Variants in TIPIN observed in about 807,000 individuals in gnomAD.
TIPIN encodes the protein TIMELESS interacting protein.
In TIPIN, 29 loss-of-function variants were observed where a neutral mutation model predicts 35.6. That is an observed-to-expected ratio of 0.82 (90% CI 0.61 to 1.11). The LOEUF is 1.11. Ranked by LOEUF, TIPIN falls within the 50% of genes most tolerant of loss-of-function variation. The pLI, the probability that TIPIN is intolerant of heterozygous loss-of-function variation, is 0.00. For missense variants in TIPIN, 296 were observed against 345.4 expected (o/e 0.86, Z 1.13); for synonymous variants, 102 against 121.5 (o/e 0.84, Z 1.06).
At chr15:66,384,053 G>A (rs2093327726) in intron 1 of TIPIN, among the ~76,000 whole-genome samples, 1 of 152,038 alleles carries the variant, frequency 6.6e-6, no homozygotes, top group Non-Finnish European at 1.5e-5. Flanking sequence ...CTGGAGTGCA[G>A]TGGCGCGATC....
intron 3 of TIPIN, 90 bp downstream of exon 3, chr15:66,352,039 T>A: frequency 8.9e-7 from 1 of 1,120,408 alleles, no homozygotes; most frequent in Non-Finnish European, 1.3e-6. Context: ...GAGCTCCACA[T>A]CATACCAACC....
chr15:66,373,678 CT>C (rs1266298581), intron 1 of TIPIN, among the ~76,000 whole-genome samples: 1 of 151,874 alleles, frequency 6.6e-6, no homozygotes, highest in Non-Finnish European at 1.5e-5. Context: ...TTGATATTGT[CT>C]TTTTCTTTTT....
intron 1 of TIPIN, among the ~76,000 whole-genome samples, chr15:66,355,281 C>T (rs1030241082): frequency 6.6e-6 from 1 of 151,196 alleles, no homozygotes; most frequent in Admixed American, 6.6e-5. Flanking sequence ...GATCCGCCCG[C>T]CTCGGCCTCC....
intron 1 of TIPIN, among the ~76,000 whole-genome samples, chr15:66,355,915 G>T (rs1202404481): frequency 1.3e-5 from 2 of 152,058 alleles, no homozygotes; most frequent in African/African-American, 4.8e-5. Flanking sequence ...CCAAGCATGG[G>T]GTGGGGCTTG....
intron 4 of TIPIN, 143 bp from the exon 5 acceptor site, chr15:66,349,580 T>C (rs1388610872): frequency 8.1e-6 from 9 of 1,113,662 alleles, no homozygotes; most frequent in African/African-American, 6.4e-5. Flanking sequence ...AAAAGGAACT[T>C]TAATAAGAAA....
chr15:66,337,032 G>C lies in TIPIN; in HGVS notation c.832C>G (p.Leu278Val). The C allele has an allele frequency of 6.2e-7, 1 of 1,614,092 alleles. No homozygotes were observed. Residue 278 changes from leucine to valine, a missense_variant, in exon 8 of 8, where the codon CTG becomes GTG. Leu to Val is a conservative substitution (Grantham distance 32). Coordinates refer to ENST00000261881, the MANE Select transcript of TIPIN (RefSeq NM_017858.3). ...IANTLNEEET[L>V]LDQSFKNVQQ... ...ACATTTTTAAAAGACTGGTCCAGCAGTGTTTCCTCTTCATTTAAAGTATTG... is the reference window on the plus strand; with the variant it reads ...ACATTTTTAAAAGACTGGTCCAGCACTGTTTCCTCTTCATTTAAAGTATTG...
chr15:66,342,975 T>C (rs1048434685), intron 6 of TIPIN, among the ~76,000 whole-genome samples: 3 of 152,214 alleles, frequency 2.0e-5, no homozygotes, highest in African/African-American at 7.2e-5. Context: ...TGGTTAACTG[T>C]CCCTTGTCCT....
intron 1 of TIPIN, chr15:66,379,791 T>C (rs1296326732): frequency 2.4e-5 from 39 of 1,601,368 alleles, no homozygotes; most frequent in South Asian, 2.3e-4. Flanking sequence ...GAGTTCTACA[T>C]TGATGTGATT....
chr15:66,352,727 C>A, intron 2 of TIPIN, 88 bp downstream of exon 2: 2 of 1,388,468 alleles, frequency 1.4e-6, no homozygotes, highest in Non-Finnish European at 9.5e-7. Flanking sequence ...GTGATCCGCC[C>A]GCCTCAGCAT....
intron 6 of TIPIN, 61 bp from the exon 7 acceptor site, chr15:66,341,417 T>C (rs1334325320): frequency 6.0e-5 from 88 of 1,461,860 alleles, no homozygotes; most frequent in Non-Finnish European, 8.1e-5. Flanking sequence ...GGGCTTCTCA[T>C]TGAAAAAGAA....
chr15:66,351,616 T>G lies in TIPIN; in HGVS notation c.213-16A>C. The G allele has an allele frequency of 6.4e-7, 1 of 1,573,690 alleles. No homozygotes were observed. The highest frequency in any genetic ancestry group is 1.2e-5 in the South Asian group (1 of 85,622). ...TGAAATTAATCTGTGAATAAAAGTA[T>G]GTTTTTAATTTCAAGTTTTATTTTC... On this transcript the variant is annotated splice_polypyrimidine_tract_variant and intron_variant, in intron 3 of 7. Coordinates refer to ENST00000261881, the MANE Select transcript of TIPIN (RefSeq NM_017858.3).
intron 1 of TIPIN, among the ~76,000 whole-genome samples, chr15:66,376,609 T>C (rs531819531): frequency 4.6e-5 from 7 of 151,660 alleles, no homozygotes; most frequent in African/African-American, 1.7e-4. Flanking sequence ...TTTGTATTTT[T>C]AGTAGAGATG....
intron 7 of TIPIN, among the ~76,000 whole-genome samples, chr15:66,340,638 C>A (rs2093080020): frequency 6.6e-6 from 1 of 151,944 alleles, no homozygotes; most frequent in African/African-American, 2.4e-5. Flanking sequence ...CTCAAGTCAC[C>A]CAGGCTGGAG....
intron 7 of TIPIN, 79 bp from the exon 8 acceptor site, chr15:66,337,260 G>T: frequency 9.2e-7 from 1 of 1,086,018 alleles, no homozygotes; most frequent in Non-Finnish European, 1.3e-6. Context: ...CTCTTCAAAA[G>T]CTCAGTTTAG....
chr15:66,351,481 G>T, intron 4 of TIPIN, 44 bp downstream of exon 4: 1 of 1,412,672 alleles, frequency 7.1e-7, no homozygotes, highest in Non-Finnish European at 1.0e-6. Flanking sequence ...CATTTTTATT[G>T]CTATTTTAAA....
chr15:66,346,976 TA>T (rs1312770617), intron 6 of TIPIN, among the ~76,000 whole-genome samples: 2 of 152,028 alleles, frequency 1.3e-5, no homozygotes, highest in Non-Finnish European at 2.9e-5. Context: ...TATTATTTTT[TA>T]GTAGAGACGG....
intron 1 of TIPIN, among the ~76,000 whole-genome samples, chr15:66,353,174 G>C (rs1304644230): frequency 6.6e-6 from 1 of 152,038 alleles, no homozygotes; most frequent in African/African-American, 2.4e-5. Flanking sequence ...ATATCATTTT[G>C]AACAAATCCT....
upstream of TIPIN, among the ~76,000 whole-genome samples, chr15:66,357,207 G>A (rs868556031): frequency 2.0e-5 from 3 of 152,122 alleles, no homozygotes; most frequent in Non-Finnish European, 4.4e-5. Flanking sequence ...TTACAGGCGT[G>A]AGCCACTGTG....
In TIPIN at chr15:66,351,516, A is replaced by T; in HGVS notation, c.288+9T>A. 1 of 1,604,812 alleles carries T rather than the reference A, an allele frequency of 6.2e-7. No individual in the cohort carries two copies. Among genetic ancestry groups the T allele is most frequent in the South Asian group, 1.1e-5 (1 of 89,888 alleles). On this transcript the variant is annotated intron_variant, in intron 4 of 7. Transcript: ENST00000261881. Reference sequence around the variant, plus strand: ...AAAACAAAGGTCTAACATAAAAATCAGTTCTTACCTCATGACCTTTACCTT... The same window carrying T: ...AAAACAAAGGTCTAACATAAAAATCTGTTCTTACCTCATGACCTTTACCTT...
Sources: allele counts gnomAD v4.1 joint callset (sites outside exome capture counted in the v4.1 genomes callset), GRCh38; gene constraint gnomAD v4.1.1; transcripts MANE v1.5; gene names NCBI Gene and HGNC (gene_info 2026-07-23, HGNC 2026-07-21).